The following ATG10 variants were observed in gnomAD, a reference collection of about 807,000 sequenced individuals.
The protein encoded by ATG10 is ubiquitin-like-conjugating enzyme ATG10.
ATG10 carries 30 observed loss-of-function variants against 32.1 expected under a neutral mutation model. The observed-to-expected ratio is 0.94, with a 90% confidence interval of 0.70 to 1.27. The LOEUF (loss-of-function observed/expected upper bound fraction) is 1.27. Among genes scored for constraint, ATG10 ranks in the 50% most tolerant of loss-of-function variants. The pLI is 0.00. For synonymous variants in ATG10, 87 were observed against 91.5 expected (o/e 0.95, Z 0.28); for missense variants, 233 against 262.3 (o/e 0.89, Z 0.77).
At chr5:82,229,840 AG>A (rs572435200) in intron 5 of ATG10, among the ~76,000 whole-genome samples, 186 of 152,270 alleles carry the variant, frequency 1.2e-3, no homozygotes, top group Non-Finnish European at 2.0e-3. Flanking sequence ...GCAGGGAGGT[AG>A]GGGGGTCCTG....
chr5:82,009,676 C>T (rs1762075485), intron 2 of ATG10: 1 of 1,585,286 alleles, frequency 6.3e-7, no homozygotes, highest in East Asian at 2.2e-5. Flanking sequence ...TCCATGACCT[C>T]CACAATATTC....
intron 2 of ATG10, among the ~76,000 whole-genome samples, chr5:81,991,634 A>C (rs1761461677): frequency 6.6e-6 from 1 of 152,072 alleles, no homozygotes; most frequent in African/African-American, 2.4e-5. Flanking sequence ...TCTCTACTAA[A>C]AATACAAAAA....
rs183796670 is a variant in ATG10, at chr5:82,046,367, G to A, written c.109-12128G>A. The stretch of plus-strand genomic sequence containing the variant: ...TATCTTTATAAGAAGAGGGAAATTT[G>A]GCCACAGAGACCCAGACACACAGGG... On this transcript the variant is annotated intron_variant, in intron 2 of 7. Coordinates refer to ENST00000282185, the MANE Select transcript of ATG10 (RefSeq NM_031482.5). Among the ~76,000 whole-genome samples, 27 of 152,222 alleles carry A rather than the reference G, an allele frequency of 1.8e-4. No individual in the cohort carries two copies. The Middle Eastern group carries it at 0.01, about 58-fold the overall frequency.
chr5:82,070,838 A>G (rs1764108250), intron 3 of ATG10, among the ~76,000 whole-genome samples: 1 of 152,020 alleles, frequency 6.6e-6, no homozygotes, highest in Non-Finnish European at 1.5e-5. Context: ...ATTTGTTCCA[A>G]CTTCAACTCT....
intron 3 of ATG10, among the ~76,000 whole-genome samples, chr5:82,141,234 A>T (rs972627988): frequency 2.8e-4 from 36 of 127,608 alleles, no homozygotes; most frequent in East Asian, 2.0e-3. Context: ...AAAATAAATT[A>T]AAAAAAAAAA....
rs556661298 is a variant in ATG10 at position 82,158,089 on chromosome 5, T to C, written c.217-6310T>C. Among the ~76,000 whole-genome samples, 25 of 152,304 alleles carry C rather than the reference T, an allele frequency of 1.6e-4. No individual in the cohort carries two copies. The South Asian group carries it at 4.6e-3, about 28-fold the overall frequency. ...TAGCTGTGAAGTGTCTTCAGCATGA[T>C]CCCTATTTAATGGGATTTAGTTGTA... is the stretch of plus-strand genomic sequence containing the variant. On this transcript the variant is annotated intron_variant, in intron 3 of 7. Transcript: ENST00000282185.
intron 3 of ATG10, among the ~76,000 whole-genome samples, chr5:82,066,943 C>A (rs1021557566): frequency 6.6e-6 from 1 of 152,040 alleles, no homozygotes; most frequent in African/African-American, 2.4e-5. Context: ...AGCATGATTA[C>A]CTCTGTATTT....
At chr5:82,079,105 C>A (rs1015276332) in intron 3 of ATG10, among the ~76,000 whole-genome samples, 1 of 152,202 alleles carries the variant, frequency 6.6e-6, no homozygotes, top group African/African-American at 2.4e-5. Context: ...TAGTTTCATT[C>A]AGATTCTTCA....
intron 3 of ATG10, among the ~76,000 whole-genome samples, chr5:82,098,465 C>T (rs1765147583): frequency 6.6e-6 from 1 of 151,960 alleles, no homozygotes; most frequent in Non-Finnish European, 1.5e-5. Flanking sequence ...CGCCCACCAC[C>T]ACGCCCTGCT....
chr5:82,175,162 G>A (rs1743963858), intron 4 of ATG10, among the ~76,000 whole-genome samples: 1 of 152,168 alleles, frequency 6.6e-6, no homozygotes, highest in African/African-American at 2.4e-5. Flanking sequence ...TCAAAAGCAA[G>A]CAAGTTGGTT....
At chr5:82,066,129 C>T (rs1221139843) in intron 3 of ATG10, among the ~76,000 whole-genome samples, 6 of 152,054 alleles carry the variant, frequency 3.9e-5, no homozygotes, top group African/African-American at 1.4e-4. Flanking sequence ...TCCTATGTAA[C>T]TCGTGTTCTA....
At chr5:82,141,938 C>G (rs535402130) in intron 3 of ATG10, among the ~76,000 whole-genome samples, 4 of 151,840 alleles carry the variant, frequency 2.6e-5, no homozygotes, top group South Asian at 4.2e-4. Context: ...ACTTTTTTGC[C>G]CTGTCACGTT....
At chr5:82,057,894 A>G (rs1414109842) in intron 2 of ATG10, among the ~76,000 whole-genome samples, 2 of 152,192 alleles carry the variant, frequency 1.3e-5, no homozygotes, top group Non-Finnish European at 2.9e-5. Context: ...TAGACTTCAG[A>G]GGGCAGAACT....
intron 2 of ATG10, among the ~76,000 whole-genome samples, chr5:82,000,715 G>A (rs1761823402): frequency 6.6e-6 from 1 of 152,120 alleles, no homozygotes; most frequent in Non-Finnish European, 1.5e-5. Context: ...GGAGTGCAGT[G>A]GCACAATCTC....
At chr5:82,048,966 C>A (rs1763312441) in intron 2 of ATG10, among the ~76,000 whole-genome samples, 1 of 150,538 alleles carries the variant, frequency 6.6e-6, no homozygotes, top group Admixed American at 6.6e-5. Flanking sequence ...TAAACTAGTT[C>A]AACCATTGTG....
intron 2 of ATG10, among the ~76,000 whole-genome samples, chr5:82,045,646 G>A (rs1763213556): frequency 6.6e-6 from 1 of 152,126 alleles, no homozygotes; most frequent in Admixed American, 6.5e-5. Context: ...TTCAGTATAA[G>A]AGCTTTAAAC....
Position 82,178,519 on chromosome 5 carries a change from T to G in ATG10, c.385T>G (p.Trp129Gly). The G allele has an allele frequency of 6.2e-7, 1 of 1,611,948 alleles. No individual in the cohort carries two copies. Among genetic ancestry groups the G allele is most frequent in the Non-Finnish European group, 8.5e-7 (1 of 1,178,358 alleles). Residue 129 changes from tryptophan to glycine, a missense_variant, in exon 5 of 8, where the codon TGG becomes GGG. Coordinates refer to ENST00000282185, the MANE Select transcript of ATG10 (RefSeq NM_031482.5). ...DGRPLTLKDI[W>G]EGVHECYKMR... ...GAGACCTTTAACTCTGAAGGACATA[T>G]GGGAAGGAGTTCATGAGTGCTATAA...
At chr5:82,069,713 A>G (rs1040128762) in intron 3 of ATG10, among the ~76,000 whole-genome samples, 3 of 152,198 alleles carry the variant, frequency 2.0e-5, no homozygotes, top group Non-Finnish European at 2.9e-5. Flanking sequence ...CAATATTAGT[A>G]TAAATATTTT....
At chr5:82,051,352 G>A (rs961311292) in intron 2 of ATG10, among the ~76,000 whole-genome samples, 33 of 152,232 alleles carry the variant, frequency 2.2e-4, no homozygotes, top group African/African-American at 7.7e-4. Flanking sequence ...TGTAACTCCA[G>A]CCCTTTCCCC....
Sources: gnomAD v4.1 joint callset for allele counts (sites outside exome capture counted in the v4.1 genomes callset) on GRCh38, gnomAD v4.1.1 for gene constraint, MANE v1.5 for transcripts, NCBI Gene and HGNC (gene_info 2026-07-23, HGNC 2026-07-21) for gene names.